The following ATP7B variants were observed in gnomAD, a reference collection of about 807,000 sequenced individuals.
The protein encoded by ATP7B is ATPase copper transporting beta.
ATP7B carries 113 observed loss-of-function variants against 118.9 expected under a neutral mutation model. The ratio of observed to expected loss-of-function variants is 0.95; its 90% CI spans 0.82 to 1.11. ATP7B has a LOEUF of 1.11. Among genes scored for constraint, ATP7B ranks in the 50% most tolerant of loss-of-function variants. ATP7B has a pLI of 0.00. For synonymous variants in ATP7B, 777 were observed against 727.4 expected (o/e 1.07, Z -1.10); for missense variants, 1,867 against 1,871.4 (o/e 1.00, Z 0.04).
intron 1 of ATP7B, among the ~76,000 whole-genome samples, chr13:51,989,793 T>C (rs933281501): frequency 3.3e-5 from 5 of 152,194 alleles, no homozygotes; most frequent in Admixed American, 2.0e-4. Context: ...TTATTCCATC[T>C]AACTTTTATC....
intron 8 of ATP7B, 96 bp from the exon 9 acceptor site, chr13:51,957,703 T>TTCTCTCGCACCA: frequency 8.0e-7 from 1 of 1,253,292 alleles, no homozygotes; most frequent in Non-Finnish European, 1.2e-6. Context: ...AGACAGCTGG[T>TTCTCTCGCACCA]GCGAGAGAAA....
chr13:51,992,447 C>CTAAA (rs1188999192), intron 1 of ATP7B, among the ~76,000 whole-genome samples: 1 of 152,180 alleles, frequency 6.6e-6, no homozygotes, highest in Admixed American at 6.5e-5. Flanking sequence ...ATGATACCTA[C>CTAAA]TAAAGTTGTT....
chr13:51,976,495 C>T (rs1252235270), intron 1 of ATP7B, among the ~76,000 whole-genome samples: 1 of 152,142 alleles, frequency 6.6e-6, no homozygotes, highest in African/African-American at 2.4e-5. Context: ...ATTTGGGGGA[C>T]AGCAGTTCAA....
chr13:51,961,504 A>G (rs1958740132), intron 6 of ATP7B, among the ~76,000 whole-genome samples: 1 of 152,184 alleles, frequency 6.6e-6, no homozygotes, highest in African/African-American at 2.4e-5. Context: ...TCCCAACTTA[A>G]GTGCTGTCCA....
At chr13:51,994,532 T>C (rs773950116) in intron 1 of ATP7B, among the ~76,000 whole-genome samples, 2 of 152,242 alleles carry the variant, frequency 1.3e-5, no homozygotes. Context: ...TATCCTTGGT[T>C]AAAAACCTGA....
At chr13:51,944,039 G>A (rs1451712181) in intron 14 of ATP7B, 70 bp downstream of exon 14, 1 of 1,597,004 alleles carries the variant, frequency 6.3e-7, no homozygotes, top group Non-Finnish European at 8.6e-7. Context: ...GGGCAGCTAG[G>A]AGAGAAGGAC....
chr13:51,979,539 T>C (rs1346696328), intron 1 of ATP7B, among the ~76,000 whole-genome samples: 2 of 152,200 alleles, frequency 1.3e-5, no homozygotes, highest in East Asian at 1.9e-4. Context: ...GACTTGATTG[T>C]AGTTGGTGTT....
At chr13:51,948,788 A>G (rs1957816255) in intron 12 of ATP7B, among the ~76,000 whole-genome samples, 1 of 152,190 alleles carries the variant, frequency 6.6e-6, no homozygotes, top group African/African-American at 2.4e-5. Flanking sequence ...ATAAAACCAT[A>G]TTTCCTAAGA....
chr13:51,977,634 T>C (rs573959155), intron 1 of ATP7B, among the ~76,000 whole-genome samples: 1 of 152,364 alleles, frequency 6.6e-6, no homozygotes, highest in Admixed American at 6.5e-5. Flanking sequence ...CAATAGAGTA[T>C]AGTAAATACA....
chr13:51,973,833 G>A, intron 2 of ATP7B, 102 bp downstream of exon 2: 10 of 1,532,802 alleles, frequency 6.5e-6, no homozygotes, highest in Non-Finnish European at 9.0e-6. Flanking sequence ...CTGTTGACAT[G>A]GGAGGCAGGG....
In ATP7B at chr13:51,934,565, C is replaced by T. The variant is rs562923251; in HGVS notation, c.*191G>A. 27 of 876,350 alleles carry T rather than the reference C, an allele frequency of 3.1e-5. No individual in the cohort carries two copies. In the East Asian group the frequency reaches 3.2e-4, roughly 10 times the overall value. The allele number at this position is 876,350 out of a possible 1,614,324, so 54.3% of individuals were successfully genotyped here. A position where few individuals can be genotyped will look rare whatever the true frequency, so the allele number is the denominator to read the frequency against. ...CGTGAGGCCAAGAGGCAGGCAGGGC[C>T]GTCCTCTCCAGGCCAAGCCCAGCTG... On this transcript the variant is annotated 3_prime_UTR_variant, in exon 21 of 21. Transcript: ENST00000242839.
rs1566434432 is a variant in ATP7B, at chr13:51,935,627, C to G, written c.4090G>C (p.Val1364Leu). ...TGCAGGGATGAGAGCACCACAGACA[C>G]AGAGGAGGCTGCCATGGCCGCTGAG... Reference protein sequence around the residue: ...MGSAAMAASSVSVVLSSLQLK... With the variant: ...MGSAAMAASSLSVVLSSLQLK... Residue 1364 changes from valine to leucine, a missense_variant, in exon 20 of 21, where the codon GTG becomes CTG. Transcript: ENST00000242839. The G allele has an allele frequency of 5.6e-6, 9 of 1,613,846 alleles. No individual in the cohort carries two copies. The highest frequency in any genetic ancestry group is 5.9e-6 in the Non-Finnish European group (7 of 1,179,950).
Position 51,975,304 on chromosome 13 carries a change from T to C in ATP7B, c.52-136A>G, listed in dbSNP as rs1952051989. The C allele has an allele frequency of 7.5e-6, 9 of 1,201,594 alleles. No individual in the cohort carries two copies. In the South Asian group the frequency reaches 9.7e-5, roughly 13 times the overall value. The allele number at this position is 1,201,594 out of a possible 1,614,324, so 74.4% of individuals were successfully genotyped here. On this transcript the variant is annotated intron_variant, in intron 1 of 20. Transcript: ENST00000242839. The stretch of plus-strand genomic sequence containing the variant: ...ATCCCAAGGGTAGAAGAACATAACA[T>C]ACACAGAAAGCAAGCTAAAGGCAGC...
rs1027174029 is a variant in ATP7B at position 51,963,268 on chromosome 13, C to T, written c.1870-1355G>A. ...CTAGACTCACAAAGGCCACTGAGCT[C>T]GGAAGCACAAGACCTGGGTTTGAAC... On this transcript the variant is annotated intron_variant, in intron 5 of 20. Transcript: ENST00000242839. Among the ~76,000 whole-genome samples, 6 of 152,232 alleles carry T rather than the reference C, an allele frequency of 3.9e-5. 1 individual carries two copies. Among genetic ancestry groups the T allele is most frequent in the East Asian group, 3.9e-4 (2 of 5,188 alleles).
chr13:51,966,300 G>A (rs1259411938), intron 4 of ATP7B, among the ~76,000 whole-genome samples: 1 of 152,186 alleles, frequency 6.6e-6, no homozygotes, highest in Non-Finnish European at 1.5e-5. Flanking sequence ...GCTGAAGCAC[G>A]TCCCCAGATG....
At chr13:51,962,935 T>C (rs1276201836) in intron 5 of ATP7B, among the ~76,000 whole-genome samples, 3 of 151,716 alleles carry the variant, frequency 2.0e-5, no homozygotes, top group African/African-American at 7.3e-5. Flanking sequence ...CTACTAAAAA[T>C]ACAAAAATTA....
intron 4 of ATP7B, among the ~76,000 whole-genome samples, chr13:51,965,475 T>C (rs887934465): frequency 2.6e-5 from 4 of 152,230 alleles, no homozygotes; most frequent in Non-Finnish European, 4.4e-5. Context: ...CAGCTGCTGC[T>C]AGCATCCTCC....
Position 51,958,473 on chromosome 13 carries a change from C to T in ATP7B, c.2193G>A (p.Val731=). 1.2e-6 allele frequency: 2 copies of T among 1,614,226 alleles called. No homozygotes were observed. The highest frequency in any genetic ancestry group is 1.6e-4 in the Middle Eastern group (1 of 6,062). The change falls in exon 8 of 21, where the codon GTG becomes GTA. Residue 731 remains valine (V), a synonymous_variant. Transcript: ENST00000242839. ...CAATGCTTGTGGCCAGGACGATGAG[C>T]ACGTCCATGTTGGCTGACCTGTGTC... ...SLRHRSANMD[V]LIVLATSIAY...
intron 6 of ATP7B, among the ~76,000 whole-genome samples, chr13:51,960,666 C>T (rs1192797614): frequency 6.6e-6 from 1 of 152,114 alleles, no homozygotes; most frequent in Non-Finnish European, 1.5e-5. Flanking sequence ...CTATGGTTGC[C>T]TATAGCTTTC....
Sources: gnomAD v4.1 joint callset for allele counts (sites outside exome capture counted in the v4.1 genomes callset) on GRCh38, gnomAD v4.1.1 for gene constraint, MANE v1.5 for transcripts, NCBI Gene and HGNC (gene_info 2026-07-23, HGNC 2026-07-21) for gene names.